The following GBA2 variants were observed in gnomAD, a reference collection of about 807,000 sequenced individuals.
GBA2 encodes the protein non-lysosomal glucosylceramidase.
GBA2 carries 79 observed loss-of-function variants against 112.9 expected under a neutral mutation model. That is an observed-to-expected ratio of 0.70 (90% CI 0.58 to 0.84). GBA2 has a LOEUF of 0.84. Among genes scored for constraint, GBA2 ranks in the 40% least tolerant of loss-of-function variants. The probability of loss-of-function intolerance (pLI) is 0.00; values close to 1 mark genes in which losing one functional copy is unlikely to be tolerated. For synonymous variants in GBA2, 403 were observed against 434.3 expected (o/e 0.93, Z 0.90); for missense variants, 1,043 against 1,190.0 (o/e 0.88, Z 1.82).
chr9:35,741,805 T>G lies in GBA2; in HGVS notation c.653A>C (p.Asn218Thr). Reference sequence around the variant, plus strand: ...AGCAAAGTACCCACACAGGCCCCAGTTCCAGCTGCGGAGGACACTTGGGCG... The same window carrying G: ...AGCAAAGTACCCACACAGGCCCCAGGTCCAGCTGCGGAGGACACTTGGGCG... The part of the protein sequence containing the change: ...LERPSVLRSW[N>T]WGLCGYFAFY... Residue 218 changes from asparagine to threonine, a missense_variant, in exon 4 of 17, where the codon AAC (asparagine) becomes ACC (threonine). Coordinates refer to ENST00000378103, the MANE Select transcript of GBA2 (RefSeq NM_020944.3). This position sits in a 1 kb window ranked among gnomAD's most constrained non-coding sequence, Gnocchi z 4.6. The G allele has an allele frequency of 6.2e-7, 1 of 1,613,784 alleles. No individual in the cohort carries two copies. Among genetic ancestry groups the G allele is most frequent in the Non-Finnish European group, 8.5e-7 (1 of 1,179,708 alleles).
chr9:35,739,878 TG>T, intron 8 of GBA2, 78 bp from the exon 9 acceptor site: 1 of 1,557,830 alleles, frequency 6.4e-7, no homozygotes, highest in Non-Finnish European at 8.8e-7. Context: ...TTCAGCAGAG[TG>T]GGATCATCAA....
chr9:35,738,735 G>A lies in GBA2; in HGVS notation c.1947+17C>T. The A allele has an allele frequency of 6.8e-6, 11 of 1,613,004 alleles. No homozygotes were observed. Among genetic ancestry groups the A allele is most frequent in the Non-Finnish European group, 9.3e-6 (11 of 1,178,910 alleles). ...CCATACCCCTGGCACACTGGCCACT[G>A]CATGTGCATCCCTTACTAGACACAC... On this transcript the variant is annotated intron_variant, in intron 12 of 16. Transcript: ENST00000378103.
chr9:35,743,623 G>A (rs541609007), intron 3 of GBA2, among the ~76,000 whole-genome samples: 59 of 152,330 alleles, frequency 3.9e-4, no homozygotes, highest in Admixed American at 3.7e-3. Context: ...CTGGAGCCAA[G>A]AAAGAGGAAC....
chr9:35,741,085 T>G lies in GBA2; in HGVS notation c.787-21A>C. 1.2e-6 allele frequency: 2 copies of G among 1,613,446 alleles called. No individual in the cohort carries two copies. The highest frequency in any genetic ancestry group is 1.7e-6 in the Non-Finnish European group (2 of 1,179,826). ...CTGTCCTGGGGGCAGAAGATTAGAC[T>G]CAGACGGTCCCAGTAGAGCGCCTCC... is the stretch of plus-strand genomic sequence containing the variant. On this transcript the variant is annotated intron_variant, in intron 4 of 16. Transcript: ENST00000378103. The surrounding 1 kb of genome is among the most constrained non-coding windows in gnomAD (Gnocchi z 4.6).
intron 3 of GBA2, among the ~76,000 whole-genome samples, chr9:35,743,101 CAA>C (rs1465550877): frequency 1.3e-5 from 2 of 152,204 alleles, no homozygotes; most frequent in East Asian, 3.8e-4. Flanking sequence ...CATTTCAAAT[CAA>C]AGACTTGAGC....
At position 35,740,377 on chromosome 9, in the gene GBA2, A is replaced by G. The variant is rs747917621; in HGVS notation, c.1130-15T>C. ...GGTGCTTTGGCCTGAGAGAAACACAAGAGAATTCAGGACAGGAGCCCCTTC... is the reference window on the plus strand; with the variant it reads ...GGTGCTTTGGCCTGAGAGAAACACAGGAGAATTCAGGACAGGAGCCCCTTC... On this transcript the variant is annotated splice_polypyrimidine_tract_variant and intron_variant, in intron 6 of 16. Transcript: ENST00000378103. This position sits in a 1 kb window ranked among gnomAD's most constrained non-coding sequence, Gnocchi z 4.7. 3 of 1,611,640 alleles carry G rather than the reference A, an allele frequency of 1.9e-6. No homozygotes were observed. In the South Asian group the frequency reaches 3.3e-5, roughly 18 times the overall value.
rs186702075 is a variant in GBA2 at position 35,737,168 on chromosome 9, C to T, written c.*1G>A. On this transcript the variant is annotated 3_prime_UTR_variant, in exon 17 of 17. Transcript: ENST00000378103. The surrounding 1 kb of genome is among the most constrained non-coding windows in gnomAD (Gnocchi z 4.1). ...CACTTCCCTCCCACAGTTCAGACGG[C>T]TCACTCTGGGCTCAGGTTTGCCATG... is the stretch of plus-strand genomic sequence containing the variant. 96 of 1,602,790 alleles carry T rather than the reference C, an allele frequency of 6.0e-5. No homozygotes were observed. In the East Asian group the frequency reaches 8.5e-4, roughly 14 times the overall value.
chr9:35,742,536 G>A (rs987758212), intron 3 of GBA2, among the ~76,000 whole-genome samples: 1 of 152,120 alleles, frequency 6.6e-6, no homozygotes, highest in African/African-American at 2.4e-5. Flanking sequence ...CTAGCATTTG[G>A]TGTATTATGT....
In GBA2 at chr9:35,741,842, G is replaced by A. The variant is rs776666322; in HGVS notation, c.616C>T (p.Leu206=). 6.2e-7 allele frequency: 1 copy of A among 1,614,018 alleles called. No individual in the cohort carries two copies. Among genetic ancestry groups the A allele is most frequent in the South Asian group, 1.1e-5 (1 of 91,084 alleles). The stretch of plus-strand genomic sequence containing the variant: ...AGGACACTTGGGCGCTCCAGGGACA[G>A]GACTTGCTGGTACACAGTCTGCCCT... ...REGQTVYQQV[L]SLERPSVLRS... Residue 206 remains leucine (L), a synonymous_variant, in exon 4 of 17, where the codon CTG becomes TTG. Transcript: ENST00000378103. The surrounding 1 kb of genome is among the most constrained non-coding windows in gnomAD (Gnocchi z 4.6).
chr9:35,749,119 G>A lies in GBA2; in HGVS notation c.-415C>T, dbSNP rs1423974446. ...TGGGCCACGGCACCGGGTCCCCCAGGATTGGGCGCCAGGTCCCGCCGGCCG... is the reference window on the plus strand; with the variant it reads ...TGGGCCACGGCACCGGGTCCCCCAGAATTGGGCGCCAGGTCCCGCCGGCCG... On this transcript the variant is annotated 5_prime_UTR_variant, in exon 1 of 17. Coordinates refer to ENST00000378103, the MANE Select transcript of GBA2 (RefSeq NM_020944.3). This position sits in a 1 kb window ranked among gnomAD's most constrained non-coding sequence, Gnocchi z 4.4. 1 of 265,524 alleles carries A rather than the reference G, an allele frequency of 3.8e-6. No homozygotes were observed. The highest frequency in any genetic ancestry group is 2.4e-5 in the African/African-American group (1 of 42,020). 16.4% of individuals were successfully genotyped at this position (265,524 alleles called of 1,614,324 possible).
Position 35,738,282 on chromosome 9 carries a change from G to A in GBA2, c.2147C>T (p.Ser716Phe). 6.2e-7 allele frequency: 1 copy of A among 1,614,094 alleles called. No individual in the cohort carries two copies. The highest frequency in any genetic ancestry group is 8.5e-7 in the Non-Finnish European group (1 of 1,179,956). The change falls in exon 14 of 17, where the codon TCT becomes TTT. Residue 716 changes from serine (S) to phenylalanine (F), a missense_variant. By Grantham distance (155) the Ser-to-Phe change is radical (BLOSUM62 -2). Transcript: ENST00000378103. ...TTCTTGGCCCCGGCTGAGGATAGAAGAAAACTTATCCTGGATGTCCTGTGC... is the reference window on the plus strand; with the variant it reads ...TTCTTGGCCCCGGCTGAGGATAGAAAAAAACTTATCCTGGATGTCCTGTGC... Reference protein sequence around the residue: ...CGAQDIQDKFSSILSRGQEAY... With the variant: ...CGAQDIQDKFFSILSRGQEAY...
chr9:35,737,923 T>G lies in GBA2; in HGVS notation c.2330A>C (p.His777Pro), dbSNP rs1008414642. The stretch of plus-strand genomic sequence containing the variant: ...GATAGTTTGGAGAGCACGGACCACA[T>G]GTTGGGTAGGAAACACCTGGAGGGG... Reference protein sequence around the residue: ...EGDTEVFPTQHVVRALQTIFE... With the variant: ...EGDTEVFPTQPVVRALQTIFE... Residue 777 changes from histidine to proline, a missense_variant, in exon 16 of 17, where the codon CAT (histidine) becomes CCT (proline). Coordinates refer to ENST00000378103, the MANE Select transcript of GBA2 (RefSeq NM_020944.3). The surrounding 1 kb of genome is among the most constrained non-coding windows in gnomAD (Gnocchi z 4.1). 1.9e-6 allele frequency: 3 copies of G among 1,611,384 alleles called. No individual in the cohort carries two copies. Among genetic ancestry groups the G allele is most frequent in the Non-Finnish European group, 2.5e-6 (3 of 1,179,158 alleles).
chr9:35,748,689 G>A lies in GBA2; in HGVS notation c.16C>T (p.Pro6Ser). The change falls in exon 1 of 17, where the codon CCA becomes TCA. Residue 6 changes from proline (P) to serine (S), a missense_variant. Physicochemically the swap from Pro to Ser is moderately conservative, Grantham distance 74. Coordinates refer to ENST00000378103, the MANE Select transcript of GBA2 (RefSeq NM_020944.3). Reference protein sequence around the residue: MGTQDPGNMGTGVPAS... With the variant: MGTQDSGNMGTGVPAS... ...GGGACGCCGGTTCCCATGTTCCCTG[G>A]ATCCTGGGTCCCCATGACCTCGATG... 6.4e-7 allele frequency: 1 copy of A among 1,567,530 alleles called. No homozygotes were observed. Among genetic ancestry groups the A allele is most frequent in the African/African-American group, 1.4e-5 (1 of 73,646 alleles).
At position 35,740,062 on chromosome 9, in the gene GBA2, G is replaced by C. The variant is rs1284925339; in HGVS notation, c.1345C>G (p.Leu449Val). 1 of 1,614,114 alleles carries C rather than the reference G, an allele frequency of 6.2e-7. No individual in the cohort carries two copies. The highest frequency in any genetic ancestry group is 2.2e-5 in the East Asian group (1 of 44,864). Residue 449 changes from leucine to valine, a missense_variant, in exon 8 of 17, where the codon CTG becomes GTG. Leu to Val is a conservative substitution (Grantham distance 32). Coordinates refer to ENST00000378103, the MANE Select transcript of GBA2 (RefSeq NM_020944.3). This position sits in a 1 kb window ranked among gnomAD's most constrained non-coding sequence, Gnocchi z 4.7. ...DAAPALSHYA[L>V]CRYAEWEERI... ...TCTTCCCACTCTGCGTATCGGCACA[G>C]TGCATAGTGGCTGAGGGCAGGTGCT...
Position 35,740,505 on chromosome 9 carries a change from C to G in GBA2, c.1129+21G>C. ...GGGACAACCTCTCTTCCCACCATCT[C>G]CCAGTCAGACCCCCCATCACCAGTG... On this transcript the variant is annotated intron_variant, in intron 6 of 16. Transcript: ENST00000378103. The surrounding 1 kb of genome is among the most constrained non-coding windows in gnomAD (Gnocchi z 4.7). The G allele has an allele frequency of 6.3e-7, 1 of 1,590,634 alleles. No homozygotes were observed. The highest frequency in any genetic ancestry group is 8.6e-7 in the Non-Finnish European group (1 of 1,159,004).
chr9:35,741,494 T>C lies in GBA2; in HGVS notation c.786+178A>G. On this transcript the variant is annotated intron_variant, in intron 4 of 16. Transcript: ENST00000378103. This position sits in a 1 kb window ranked among gnomAD's most constrained non-coding sequence, Gnocchi z 4.6. ...TTTTGTATTTTTAGTAGATATGGGGTTTCACGTGTTAGCCAGGATGGTCTC... is the reference window on the plus strand; with the variant it reads ...TTTTGTATTTTTAGTAGATATGGGGCTTCACGTGTTAGCCAGGATGGTCTC... 1 of 620,250 alleles carries C rather than the reference T, an allele frequency of 1.6e-6. No individual in the cohort carries two copies. The highest frequency in any genetic ancestry group is 2.7e-5 in the Admixed American group (1 of 36,500). The allele number at this position is 620,250 out of a possible 1,614,324, so 38.4% of individuals were successfully genotyped here. A position where few individuals can be genotyped will look rare whatever the true frequency, so the allele number is the denominator to read the frequency against.
rs1826376548 is a variant in GBA2 at position 35,738,316 on chromosome 9, G to C, written c.2113C>G (p.Leu705Val). 1.2e-6 allele frequency: 2 copies of C among 1,614,126 alleles called. No individual in the cohort carries two copies. The highest frequency in any genetic ancestry group is 8.5e-7 in the Non-Finnish European group (1 of 1,179,984). ...AVAVMVQMAA[L>V]CGAQDIQDKF... Reference sequence around the variant, plus strand: ...TCCTGGATGTCCTGTGCCCCACACAGAGCAGCCATCTGGACCATCACAGCC... The same window carrying C: ...TCCTGGATGTCCTGTGCCCCACACACAGCAGCCATCTGGACCATCACAGCC... The change falls in exon 14 of 17, where the codon CTG (leucine) becomes GTG (valine). Residue 705 changes from leucine to valine, a missense_variant. By Grantham distance (32) the Leu-to-Val change is conservative. Transcript: ENST00000378103.
At chr9:35,747,211 C>G (rs1191519626) in intron 1 of GBA2, among the ~76,000 whole-genome samples, 1 of 152,178 alleles carries the variant, frequency 6.6e-6, no homozygotes, top group Non-Finnish European at 1.5e-5. Context: ...GCCTCTATGA[C>G]TCAGTTCATA....
intron 10 of GBA2, 83 bp downstream of exon 10, chr9:35,739,232 A>T (rs1328185837): frequency 1.8e-6 from 2 of 1,083,084 alleles, no homozygotes; most frequent in African/African-American, 3.1e-5. Context: ...AGGGAAGGGA[A>T]AGAAGAGACA....
Sources: allele counts gnomAD v4.1 joint callset (sites outside exome capture counted in the v4.1 genomes callset), GRCh38; gene constraint gnomAD v4.1.1; non-coding constraint Gnocchi (gnomAD v3.1); transcripts MANE v1.5; gene names NCBI Gene and HGNC (gene_info 2026-07-23, HGNC 2026-07-21).